Variants in ABCD2 observed in about 807,000 individuals in gnomAD.
ABCD2 encodes ATP-binding cassette sub-family D member 2.
In ABCD2, 36 loss-of-function variants were observed where a neutral mutation model predicts 70.9. The ratio of observed to expected loss-of-function variants is 0.51; its 90% CI spans 0.39 to 0.67. The LOEUF (loss-of-function observed/expected upper bound fraction) is 0.67, where lower values mean the gene tolerates loss of function less well. Ranked by LOEUF, ABCD2 falls within the 30% of genes least tolerant of loss-of-function variation. The pLI is 0.00. For missense variants in ABCD2, 729 were observed against 890.2 expected, an observed-to-expected ratio of 0.82 and a Z score of 2.30; for synonymous variants, 304 against 306.9, an observed-to-expected ratio of 0.99 and a Z score of 0.10.
At chr12:39,612,308 C>A (rs1225156296) in intron 2 of ABCD2, among the ~76,000 whole-genome samples, 1 of 152,090 alleles carries the variant, frequency 6.6e-6, no homozygotes, top group Non-Finnish European at 1.5e-5. Context: ...TAATACCCAG[C>A]AAACTGGATA....
At chr12:39,579,775 G>T (rs1199383153) in intron 7 of ABCD2, among the ~76,000 whole-genome samples, 156 bp from the exon 8 acceptor site, 1 of 152,190 alleles carries the variant, frequency 6.6e-6, no homozygotes, top group East Asian at 1.9e-4. Flanking sequence ...AGAGCCTCAT[G>T]TATAAGCATT....
rs910508172 is a variant in ABCD2 at position 39,550,597 on chromosome 12, A to G, written c.*3315T>C. The G allele has an allele frequency of 6.6e-6, 1 of 151,800 alleles. No homozygotes were observed. Among genetic ancestry groups the G allele is most frequent in the African/African-American group, 2.4e-5 (1 of 41,448 alleles). The allele number at this position is 151,800 out of a possible 1,614,324, so 9.4% of individuals were successfully genotyped here. A position where few individuals can be genotyped will look rare whatever the true frequency, so the allele number is the denominator to read the frequency against. The stretch of plus-strand genomic sequence containing the variant: ...ATTGGTTTTTAAAAAAATATTTTAT[A>G]CATCCACCTGAAGGCGCTCATGTGG... On this transcript the variant is annotated 3_prime_UTR_variant, in exon 10 of 10. Coordinates refer to ENST00000308666, the MANE Select transcript of ABCD2 (RefSeq NM_005164.4).
chr12:39,601,018 G>A (rs1172460706), intron 5 of ABCD2, among the ~76,000 whole-genome samples: 2 of 151,772 alleles, frequency 1.3e-5, no homozygotes, highest in African/African-American at 4.8e-5. Flanking sequence ...CAGCTGCCTG[G>A]GAAATAAGAC....
chr12:39,534,534 G>A, the ABCD2 span, among the ~76,000 whole-genome samples: 6 of 151,856 alleles, frequency 4.0e-5, no homozygotes, highest in East Asian at 5.8e-4. Flanking sequence ...ACTCTAGGCC[G>A]GGCATGGCAG....
In ABCD2 at chr12:39,613,368, A is replaced by AGAGC. The variant is rs1458888357; in HGVS notation, c.1120+3616_1120+3619dup. ...GCCACTGCACTCCAGCCTGGGCGAC[A>AGAGC]GAGCGAGACTCCGTCTCAAAAAAAA... On this transcript the variant is annotated intron_variant, in intron 2 of 9. Coordinates refer to ENST00000308666, the MANE Select transcript of ABCD2 (RefSeq NM_005164.4). Among the ~76,000 whole-genome samples, 109 of 73,126 alleles carry AGAGC rather than the reference A, an allele frequency of 1.5e-3. 8 individuals are homozygous for AGAGC. Among genetic ancestry groups the AGAGC allele is most frequent in the Middle Eastern group, 6.3e-3 (1 of 158 alleles). 48.0% of individuals were successfully genotyped at this position (73,126 alleles called of 152,430 possible).
At chr12:39,533,389 AT>A in the ABCD2 span, among the ~76,000 whole-genome samples, 2 of 152,114 alleles carry the variant, frequency 1.3e-5, no homozygotes, top group Non-Finnish European at 2.9e-5. Flanking sequence ...AAAGAGATTC[AT>A]TTTTTTCTGT....
intron 9 of ABCD2, among the ~76,000 whole-genome samples, chr12:39,566,534 G>T (rs912399015): frequency 6.6e-6 from 1 of 151,800 alleles, no homozygotes; most frequent in African/African-American, 2.4e-5. Flanking sequence ...TTCTCTATTA[G>T]TCTTGCTAGC....
At chr12:39,611,423 A>T (rs997549207) in intron 2 of ABCD2, among the ~76,000 whole-genome samples, 1 of 152,152 alleles carries the variant, frequency 6.6e-6, no homozygotes, top group Non-Finnish European at 1.5e-5. Flanking sequence ...AATAAAAAGT[A>T]AGTTTATTCT....
chr12:39,571,918 C>G, intron 9 of ABCD2, among the ~76,000 whole-genome samples: 1 of 152,014 alleles, frequency 6.6e-6, no homozygotes, highest in Non-Finnish European at 1.5e-5. Flanking sequence ...CTTCTGAAAT[C>G]TATTCAGGGA....
chr12:39,619,343 A>C lies in ABCD2; in HGVS notation c.273T>G (p.Leu91=). 3.1e-6 allele frequency: 5 copies of C among 1,614,068 alleles called. No individual in the cohort carries two copies. The highest frequency in any genetic ancestry group is 4.2e-6 in the Non-Finnish European group (5 of 1,180,036). ...CAAGTTTTGGAAACAAAATTTTCCG[A>C]AGTTCTAGTAGCTGTTTGAAGAAAT... is the stretch of plus-strand genomic sequence containing the variant. The part of the protein sequence containing the change: ...NADFFKQLLE[L]RKILFPKLVT... The change falls in exon 1 of 10, where the codon CTT becomes CTG. Residue 91 remains leucine, a synonymous_variant. Coordinates refer to ENST00000308666, the MANE Select transcript of ABCD2 (RefSeq NM_005164.4).
intron 2 of ABCD2, among the ~76,000 whole-genome samples, chr12:39,612,998 A>G (rs1215230381): frequency 6.6e-6 from 1 of 152,126 alleles, no homozygotes; most frequent in Non-Finnish European, 1.5e-5. Context: ...CTGTGATAAG[A>G]TATTGACAGA....
At chr12:39,587,737 T>G (rs1189963133) in intron 6 of ABCD2, among the ~76,000 whole-genome samples, 1 of 152,162 alleles carries the variant, frequency 6.6e-6, no homozygotes, top group Non-Finnish European at 1.5e-5. Flanking sequence ...GTGTTACTAT[T>G]CAATAAATAA....
chr12:39,572,945 AG>A (rs1289122169), intron 9 of ABCD2, among the ~76,000 whole-genome samples: 1 of 152,220 alleles, frequency 6.6e-6, no homozygotes. Context: ...TTAATGCATG[AG>A]ATACACTTTG....
intron 2 of ABCD2, among the ~76,000 whole-genome samples, chr12:39,610,713 G>A (rs933101478): frequency 6.6e-6 from 1 of 152,120 alleles, no homozygotes; most frequent in African/African-American, 2.4e-5. Context: ...GTCTTGCTTT[G>A]GCAGATTAAT....
At position 39,619,584 on chromosome 12, in the gene ABCD2, C is replaced by T. The variant is rs745758365; in HGVS notation, c.32G>A (p.Arg11Gln). 14 of 1,610,472 alleles carry T rather than the reference C, an allele frequency of 8.7e-6. No individual in the cohort carries two copies. The highest frequency in any genetic ancestry group is 1.2e-5 in the Non-Finnish European group (14 of 1,179,926). ...AGCACTCGATCTGGTCCATTTCACT[C>T]GATCAGCTGCTGCATTTAGCATATG... MTHMLNAAAD[R>Q]VKWTRSSAAK... The change falls in exon 1 of 10, where the codon CGA becomes CAA. Residue 11 changes from arginine (R) to glutamine (Q), a missense_variant. By Grantham distance (43) the Arg-to-Gln change is conservative. This residue lies in a region of ABCD2 where 245 missense variants were observed against 261.2 expected (regional missense o/e 0.94). Transcript: ENST00000308666.
At chr12:39,612,374 C>T (rs1942057082) in intron 2 of ABCD2, among the ~76,000 whole-genome samples, 1 of 152,106 alleles carries the variant, frequency 6.6e-6, no homozygotes, top group Non-Finnish European at 1.5e-5. Flanking sequence ...AGTCATACAA[C>T]GGGATGCTAT....
At position 39,604,006 on chromosome 12, in the gene ABCD2, C is replaced by T; in HGVS notation, c.1406G>A (p.Gly469Glu). The T allele has an allele frequency of 1.2e-6, 2 of 1,600,706 alleles. No homozygotes were observed. Among genetic ancestry groups the T allele is most frequent in the Non-Finnish European group, 1.7e-6 (2 of 1,169,650 alleles). Reference protein sequence around the residue: ...LPLSDTLAIKGKVIDVDHGII... With the variant: ...LPLSDTLAIKEKVIDVDHGII... ...TCCGTGATCCACATCAATAACTTTT[C>T]CTGTAATTAAGAAAAAGTGTAAGAT... The change falls in exon 5 of 10, where the codon GGA becomes GAA. Residue 469 changes from glycine (G) to glutamate (E), a missense_variant and splice_region_variant. Around this residue, in one of 3 missense-constraint regions of ABCD2, gnomAD observed 289 missense variants for 328.8 expected, o/e 0.88. Coordinates refer to ENST00000308666, the MANE Select transcript of ABCD2 (RefSeq NM_005164.4).
At chr12:39,559,403 G>GAAATATAT (rs1941219702) in intron 9 of ABCD2, among the ~76,000 whole-genome samples, 1 of 143,148 alleles carries the variant, frequency 7.0e-6, no homozygotes, top group Admixed American at 7.0e-5. Context: ...AAAAAAAAAG[G>GAAATATAT]AAATATATGA....
rs113137513 is a variant in ABCD2, at chr12:39,584,258, C to G, written c.1792+1894G>C. ...CATTGTGGTTTTGATGTGCATTTCTCTAGTGATCAGTGATATTGAGCTTTT... is the reference window on the plus strand; with the variant it reads ...CATTGTGGTTTTGATGTGCATTTCTGTAGTGATCAGTGATATTGAGCTTTT... On this transcript the variant is annotated intron_variant, in intron 7 of 9. Coordinates refer to ENST00000308666, the MANE Select transcript of ABCD2 (RefSeq NM_005164.4). Among the ~76,000 whole-genome samples the G allele has an allele frequency of 5.7e-4, 87 of 152,234 alleles. 1 individual carries two copies. Among genetic ancestry groups the G allele is most frequent in the African/African-American group, 2.0e-3 (82 of 41,536 alleles).
Sources: gnomAD v4.1 joint callset for allele counts (sites outside exome capture counted in the v4.1 genomes callset) on GRCh38, gnomAD v4.1.1 for gene constraint, gnomAD v4.1.1 regional missense constraint, MANE v1.5 for transcripts, NCBI Gene and HGNC (gene_info 2026-07-23, HGNC 2026-07-21) for gene names.